FRYL: variants seen among roughly 807,000 people sequenced by gnomAD.
The protein encoded by FRYL is protein furry homolog-like.
FRYL carries 150 observed loss-of-function variants against 351.2 expected under a neutral mutation model. The ratio of observed to expected loss-of-function variants is 0.43; its 90% CI spans 0.37 to 0.49. FRYL has a LOEUF of 0.49. Ranked by LOEUF, FRYL falls within the 20% of genes least tolerant of loss-of-function variation. The probability of loss-of-function intolerance (pLI) is 0.00; values close to 1 mark genes in which losing one functional copy is unlikely to be tolerated. For synonymous variants in FRYL, 1,153 were observed against 1,257.1 expected (o/e 0.92, Z 1.75); for missense variants, 3,036 against 3,619.3 (o/e 0.84, Z 4.13).
chr4:48,776,879 A>G (rs2109441600), intron 1 of FRYL, among the ~76,000 whole-genome samples: 1 of 152,332 alleles, frequency 6.6e-6, no homozygotes, highest in East Asian at 1.9e-4. Context: ...AAAGCCATGA[A>G]AACTTGTCCA....
intron 53 of FRYL, among the ~76,000 whole-genome samples, 153 bp downstream of exon 53, chr4:48,527,324 T>C (rs1240210867): frequency 3.9e-5 from 6 of 152,200 alleles, no homozygotes; most frequent in African/African-American, 1.4e-4. Flanking sequence ...ACTTATTCTA[T>C]TGACTAATTG....
intron 3 of FRYL, among the ~76,000 whole-genome samples, chr4:48,663,619 C>CA (rs1308339877): frequency 6.6e-6 from 1 of 150,804 alleles, no homozygotes. Context: ...ACTAAAAATA[C>CA]AAAAAATTAG....
chr4:48,653,703 T>C (rs1303178748), intron 3 of FRYL: 3 of 1,286,946 alleles, frequency 2.3e-6, no homozygotes, highest in Admixed American at 4.6e-5. Flanking sequence ...CATGTAGGAA[T>C]ATATACTTAC....
At chr4:48,715,971 CA>C (rs1282390913) in intron 1 of FRYL, among the ~76,000 whole-genome samples, 2 of 151,548 alleles carry the variant, frequency 1.3e-5, no homozygotes, top group African/African-American at 4.8e-5. Flanking sequence ...AATAATGCCG[CA>C]TATCTACAAC....
chr4:48,575,905 T>C, intron 24 of FRYL, 125 bp downstream of exon 24: 1 of 746,080 alleles, frequency 1.3e-6, no homozygotes. Context: ...GTATTTTCCT[T>C]TTTGCAAGTA....
chr4:48,527,725 C>A (rs1372197033), intron 52 of FRYL, 72 bp from the exon 53 acceptor site: 2 of 1,425,798 alleles, frequency 1.4e-6, no homozygotes, highest in East Asian at 2.3e-5. Context: ...GGTATCAGTA[C>A]CCCAAAGCCA....
intron 3 of FRYL, among the ~76,000 whole-genome samples, chr4:48,662,241 G>A (rs1340761369): frequency 1.3e-5 from 2 of 151,990 alleles, no homozygotes; most frequent in Non-Finnish European, 2.9e-5. Context: ...AAGAGTTCAC[G>A]GCCAGCCTGG....
chr4:48,605,733 ATACT>A lies in FRYL; in HGVS notation c.834+4_834+7del. 2 of 1,555,056 alleles carry A rather than the reference ATACT, an allele frequency of 1.3e-6. No homozygotes were observed. Among genetic ancestry groups the A allele is most frequent in the Non-Finnish European group, 1.8e-6 (2 of 1,129,026 alleles). On this transcript the variant is annotated splice_donor_5th_base_variant and intron_variant, in intron 11 of 63. Transcript: ENST00000358350. The stretch of plus-strand genomic sequence containing the variant: ...CACAAATGGTATGAAAATAAGAAAA[ATACT>A]TACAGCAGCTACAGGGATAAGAATC...
rs1284303999 is a variant in FRYL at position 48,561,603 on chromosome 4, T to C, written c.3730A>G (p.Lys1244Glu). Residue 1244 changes from lysine (K) to glutamate (E), a missense_variant, in exon 33 of 64, where the codon AAA (lysine) becomes GAA (glutamate). By Grantham distance (56) the Lys-to-Glu change is moderately conservative. Transcript: ENST00000358350. ...CCATCTGTTCTCTGAACCTCCAATTTGTGAGCATAGCGAAACATCTTCGGT... is the reference window on the plus strand; with the variant it reads ...CCATCTGTTCTCTGAACCTCCAATTCGTGAGCATAGCGAAACATCTTCGGT... Reference protein sequence around the residue: ...LEPKMFRYAHKLEVQRTDGVL... With the variant: ...LEPKMFRYAHELEVQRTDGVL... The C allele has an allele frequency of 1.1e-5, 17 of 1,611,520 alleles. No individual in the cohort carries two copies. The highest frequency in any genetic ancestry group is 1.4e-5 in the Non-Finnish European group (17 of 1,178,412).
At chr4:48,646,073 T>G (rs1009588600) in intron 3 of FRYL, 1 of 152,212 alleles carries the variant, frequency 6.6e-6, no homozygotes, top group Non-Finnish European at 1.5e-5. Flanking sequence ...AAGCTTATTT[T>G]AAAGAAAAAA....
intron 59 of FRYL, 31 bp downstream of exon 59, chr4:48,510,028 C>CACTTTTCG: frequency 6.7e-7 from 1 of 1,485,252 alleles, no homozygotes; most frequent in South Asian, 1.1e-5. Flanking sequence ...AAGAGCAAAC[C>CACTTTTCG]ACTTTTCGCA....
intron 57 of FRYL, among the ~76,000 whole-genome samples, chr4:48,511,196 T>G (rs1004549153): frequency 1.3e-5 from 2 of 152,210 alleles, no homozygotes; most frequent in African/African-American, 4.8e-5. Context: ...ATAGTATTAC[T>G]GAAAAAATGA....
rs554945783 is a variant in FRYL, at chr4:48,568,036, T to C, written c.2997-616A>G. Among the ~76,000 whole-genome samples, 18 of 152,256 alleles carry C rather than the reference T, an allele frequency of 1.2e-4. No homozygotes were observed. In the East Asian group the frequency reaches 3.5e-3, roughly 29 times the overall value. ...ATGCCAGCACTTTGGGAAGCCAAGG[T>C]GGGTGGATCACTGAGTCCAAGAGAT... On this transcript the variant is annotated intron_variant, in intron 27 of 63. Transcript: ENST00000358350.
In FRYL at chr4:48,739,569, C is replaced by T. The variant is rs1312268313; in HGVS notation, c.-383-28871G>A. Among the ~76,000 whole-genome samples, 5 of 150,760 alleles carry T rather than the reference C, an allele frequency of 3.3e-5. No individual in the cohort carries two copies. The East Asian group carries it at 9.7e-4, about 29-fold the overall frequency. On this transcript the variant is annotated intron_variant, in intron 1 of 63. Transcript: ENST00000358350. ...CCTTAAACTCACCACAAAAAAAAAA[C>T]TCAAAATGAATCACAGACCCAAATC...
intron 3 of FRYL, among the ~76,000 whole-genome samples, chr4:48,639,316 A>G (rs548491233): frequency 7.2e-5 from 11 of 152,238 alleles, no homozygotes; most frequent in African/African-American, 2.6e-4. Context: ...TCAAGACAGT[A>G]TGGTACTGAT....
chr4:48,690,211 T>C (rs553837467), intron 2 of FRYL, among the ~76,000 whole-genome samples: 4 of 152,232 alleles, frequency 2.6e-5, no homozygotes, highest in African/African-American at 9.6e-5. Context: ...GGCCAGTAGA[T>C]TGTTTTACAA....
intron 2 of FRYL, among the ~76,000 whole-genome samples, chr4:48,700,571 G>A (rs1157443868): frequency 6.6e-6 from 1 of 152,082 alleles, no homozygotes; most frequent in East Asian, 1.9e-4. Context: ...GGAGGCTGAG[G>A]TGGGAGGATC....
At chr4:48,546,003 C>T in intron 42 of FRYL, 64 bp downstream of exon 42, 1 of 1,434,310 alleles carries the variant, frequency 7.0e-7, no homozygotes. Flanking sequence ...GCTCATAATA[C>T]CTGATCAATG....
chr4:48,528,092 A>G (rs1230782563), intron 51 of FRYL, 47 bp from the exon 52 acceptor site: 2 of 1,558,468 alleles, frequency 1.3e-6, no homozygotes, highest in African/African-American at 2.8e-5. Flanking sequence ...TGATAAAATA[A>G]GACAAATTCT....
Sources: gnomAD v4.1 joint callset for allele counts (sites outside exome capture counted in the v4.1 genomes callset) on GRCh38, gnomAD v4.1.1 for gene constraint, MANE v1.5 for transcripts, NCBI Gene and HGNC (gene_info 2026-07-23, HGNC 2026-07-21) for gene names.